SEPTIN11: variants seen among roughly 807,000 people sequenced by gnomAD.
SEPTIN11 encodes septin 11.
SEPTIN11 carries 25 observed loss-of-function variants against 51.4 expected under a neutral mutation model. The observed-to-expected ratio is 0.49, with a 90% CI of 0.35 to 0.68. The LOEUF (loss-of-function observed/expected upper bound fraction) is 0.68. Among genes scored for constraint, SEPTIN11 ranks in the 30% least tolerant of loss-of-function variants. The pLI is 0.00. For synonymous variants in SEPTIN11, 174 were observed against 184.1 expected (o/e 0.95, Z 0.44); for missense variants, 381 against 520.8 (o/e 0.73, Z 2.61).
At chr4:77,016,631 C>CACATATATATATATAT (rs1725282559) in intron 5 of SEPTIN11, among the ~76,000 whole-genome samples, 1 of 22,724 alleles carries the variant, frequency 4.4e-5, no homozygotes, top group Non-Finnish European at 8.7e-5. Flanking sequence ...TATATATATA[C>CACATATATATATATAT]ACATATATAT....
Position 77,024,461 on chromosome 4 carries a change from C to T in SEPTIN11, c.953+3791C>T, listed in dbSNP as rs952928277. 7.2e-5 allele frequency among the ~76,000 whole-genome samples: 11 copies of T among 152,034 alleles called. No individual in the cohort carries two copies. The highest frequency in any genetic ancestry group is 1.9e-4 in the African/African-American group (8 of 41,358). ...CAGACCCCAGCCCCTTTCTGGCTGG[C>T]ATTATAGGGTAGAAGAGGAGACGTC... On this transcript the variant is annotated intron_variant, in intron 7 of 9. Coordinates refer to ENST00000264893, the MANE Select transcript of SEPTIN11 (RefSeq NM_018243.4). The surrounding 1 kb of genome is among the most constrained non-coding windows in gnomAD (Gnocchi z 4.2).
chr4:77,020,382 T>C, intron 6 of SEPTIN11, 120 bp from the exon 7 acceptor site: 1 of 1,182,206 alleles, frequency 8.5e-7, no homozygotes, highest in Non-Finnish European at 1.2e-6. Flanking sequence ...GATCTTCAGA[T>C]GGTCTTGAGA....
chr4:77,000,526 G>A (rs1352630474), intron 2 of SEPTIN11, among the ~76,000 whole-genome samples: 1 of 152,198 alleles, frequency 6.6e-6, no homozygotes, highest in African/African-American at 2.4e-5. Flanking sequence ...AGAGCATGGA[G>A]AAAATTTATT....
rs1727057670 is a variant in SEPTIN11 at position 77,036,759 on chromosome 4, TTTTTTC to T, written c.*2248_*2253del. On this transcript the variant is annotated 3_prime_UTR_variant, in exon 10 of 10. Coordinates refer to ENST00000264893, the MANE Select transcript of SEPTIN11 (RefSeq NM_018243.4). Reference sequence around the variant, plus strand: ...CTTTTTTCTTTCTGTATCTATGCCTTTTTTTCACAGTAGTCCTTGGCTCTGCACGGA... The same window carrying T: ...CTTTTTTCTTTCTGTATCTATGCCTTACAGTAGTCCTTGGCTCTGCACGGA... 1 of 1,515,258 alleles carries T rather than the reference TTTTTTC, an allele frequency of 6.6e-7. No homozygotes were observed. The highest frequency in any genetic ancestry group is 1.2e-5 in the South Asian group (1 of 83,852). 93.9% of individuals were successfully genotyped at this position (1,515,258 alleles called of 1,614,324 possible).
rs1376314203 is a variant in SEPTIN11 at position 77,014,948 on chromosome 4, C to T, written c.618C>T (p.Ser206=). The change falls in exon 5 of 10, where the codon AGC becomes AGT. Residue 206 remains serine (S), a synonymous_variant. Coordinates refer to ENST00000264893, the MANE Select transcript of SEPTIN11 (RefSeq NM_018243.4). Reference sequence around the variant, plus strand: ...GTAAGATCATGAGTGAACTGGTCAGCAATGGGGTCCAGATATATCAGTTTC... The same window carrying T: ...GTAAGATCATGAGTGAACTGGTCAGTAATGGGGTCCAGATATATCAGTTTC... ...FKSKIMSELV[S]NGVQIYQFPT... 2 of 1,614,106 alleles carry T rather than the reference C, an allele frequency of 1.2e-6. No individual in the cohort carries two copies.
At chr4:77,011,636 C>A in intron 3 of SEPTIN11, 99 bp from the exon 4 acceptor site, 3 of 1,162,224 alleles carry the variant, frequency 2.6e-6, no homozygotes, top group Non-Finnish European at 3.7e-6. Context: ...AGGACTTGGG[C>A]TTTAGCCCTT....
chr4:76,954,896 A>T (rs1206545575), intron 1 of SEPTIN11, among the ~76,000 whole-genome samples: 3 of 152,210 alleles, frequency 2.0e-5, no homozygotes, highest in Non-Finnish European at 2.9e-5. Context: ...TGGGAAAGAG[A>T]CCATATTCTA....
intron 1 of SEPTIN11, among the ~76,000 whole-genome samples, chr4:76,970,123 G>A (rs1172620179): frequency 6.6e-6 from 1 of 151,940 alleles, no homozygotes; most frequent in Non-Finnish European, 1.5e-5. Flanking sequence ...TGTACCCTTC[G>A]CTTACCTCTG....
intron 1 of SEPTIN11, among the ~76,000 whole-genome samples, chr4:76,990,196 G>A (rs113916334): frequency 2.6e-5 from 4 of 152,028 alleles, no homozygotes; most frequent in Admixed American, 1.3e-4. Context: ...TGATTGGTGC[G>A]TTTTACAGAG....
chr4:76,959,254 T>TTG (rs1335192020), intron 1 of SEPTIN11: 1 of 139,122 alleles, frequency 7.2e-6, no homozygotes, highest in African/African-American at 2.9e-5. Context: ...CAAGACAAGG[T>TTG]TTTTTTTTTT....
intron 1 of SEPTIN11, among the ~76,000 whole-genome samples, chr4:76,979,119 A>T (rs1212160784): frequency 6.6e-6 from 1 of 152,214 alleles, no homozygotes; most frequent in East Asian, 1.9e-4. Context: ...TTGTGATGTC[A>T]TGGTACATAC....
chr4:76,997,004 T>C (rs1268846935), intron 2 of SEPTIN11, among the ~76,000 whole-genome samples: 1 of 151,086 alleles, frequency 6.6e-6, no homozygotes, highest in East Asian at 1.9e-4. Context: ...CTCAGCCTCC[T>C]GAGTAGCTGG....
intron 1 of SEPTIN11, among the ~76,000 whole-genome samples, chr4:76,953,600 A>G (rs897568898): frequency 2.6e-5 from 4 of 152,164 alleles, no homozygotes; most frequent in Non-Finnish European, 5.9e-5. Flanking sequence ...GAGCCAAGAA[A>G]GGTCCAGGGG....
intron 1 of SEPTIN11, among the ~76,000 whole-genome samples, chr4:76,977,884 C>T (rs1722575786): frequency 6.6e-6 from 1 of 152,140 alleles, no homozygotes; most frequent in Admixed American, 6.5e-5. Context: ...TGTGTGTTTG[C>T]TCCTCAGTAG....
intron 1 of SEPTIN11, among the ~76,000 whole-genome samples, chr4:76,970,912 G>A (rs560259039): frequency 6.6e-6 from 1 of 152,236 alleles, no homozygotes; most frequent in African/African-American, 2.4e-5. Flanking sequence ...CATTTTCATT[G>A]CTTATTTGCT....
At chr4:76,994,016 T>C (rs1228004191) in intron 1 of SEPTIN11, among the ~76,000 whole-genome samples, 2 of 152,188 alleles carry the variant, frequency 1.3e-5, no homozygotes, top group Non-Finnish European at 2.9e-5. Context: ...ATATCTGGTA[T>C]CTAAAAACCC....
At chr4:77,039,252 A>G (rs1437266158), downstream of SEPTIN11, 9 of 1,189,800 alleles carry the variant, frequency 7.6e-6, no homozygotes, top group Admixed American at 3.7e-5. Flanking sequence ...GTACTTGTCA[A>G]TGTCTGCCCA....
At chr4:77,020,320 A>G (rs1725611078) in intron 6 of SEPTIN11, among the ~76,000 whole-genome samples, 182 bp from the exon 7 acceptor site, 1 of 152,192 alleles carries the variant, frequency 6.6e-6, no homozygotes, top group Non-Finnish European at 1.5e-5. Context: ...ATTATGGTCA[A>G]TGTTGTCAGA....
chr4:76,949,904 ATGGCCG>A lies in SEPTIN11; in HGVS notation c.11_16del (p.AlaVal4_?5). On this transcript the variant is annotated start_lost and inframe_deletion, in exon 1 of 10. Transcript: ENST00000264893. ...AGCCGGAGCCGGTGCCGCAGCTGCGATGGCCGTGGCCGTGGGGAGACCGTCTGTGAG... is the reference window on the plus strand; with the variant it reads ...AGCCGGAGCCGGTGCCGCAGCTGCGATGGCCGTGGGGAGACCGTCTGTGAG... 1 of 1,531,902 alleles carries A rather than the reference ATGGCCG, an allele frequency of 6.5e-7. No individual in the cohort carries two copies. The allele number at this position is 1,531,902 out of a possible 1,614,324, so 94.9% of individuals were successfully genotyped here.
Sources: gnomAD v4.1 joint callset for allele counts (sites outside exome capture counted in the v4.1 genomes callset) on GRCh38, gnomAD v4.1.1 for gene constraint, Gnocchi (gnomAD v3.1) non-coding constraint, MANE v1.5 for transcripts, NCBI Gene and HGNC (gene_info 2026-07-23, HGNC 2026-07-21) for gene names.